Variants in TNRC6B observed in about 807,000 individuals in gnomAD.
TNRC6B encodes the protein trinucleotide repeat-containing gene 6B protein.
A neutral mutation model predicts 203.6 loss-of-function variants in TNRC6B; 52 were observed. The ratio of observed to expected loss-of-function variants is 0.26; its 90% CI spans 0.20 to 0.32. The LOEUF is 0.32. TNRC6B is among the 10% of genes least tolerant of loss of function. The pLI, the probability that TNRC6B is intolerant of heterozygous loss-of-function variation, is 1.00. For synonymous variants in TNRC6B, 838 were observed against 845.7 expected, an observed-to-expected ratio of 0.99 and a Z score of 0.16; for missense variants, 1,923 against 2,286.2, an observed-to-expected ratio of 0.84 and a Z score of 3.24.
intron 1 of TNRC6B, among the ~76,000 whole-genome samples, chr22:40,115,097 T>TC (rs200556510): frequency 0.011 from 1,603 of 152,198 alleles, 19 homozygotes; most frequent in Middle Eastern, 0.014. Context: ...ATTCTTTTTT[T>TC]CCCCTCCCTT....
At chr22:40,085,254 T>C (rs1004932247) in intron 1 of TNRC6B, among the ~76,000 whole-genome samples, 4 of 152,178 alleles carry the variant, frequency 2.6e-5, no homozygotes, top group Non-Finnish European at 5.9e-5. Flanking sequence ...TGTGCGTCTC[T>C]CTAAAAGGCA....
intron 22 of TNRC6B, chr22:40,321,480 G>A (rs1473458051): frequency 6.8e-6 from 3 of 443,440 alleles, no homozygotes; most frequent in Non-Finnish European, 1.2e-5. Flanking sequence ...GAAGTAGTGA[G>A]TAAATTCTAA....
At chr22:40,091,647 T>G (rs144943732) in intron 1 of TNRC6B, among the ~76,000 whole-genome samples, 4 of 152,326 alleles carry the variant, frequency 2.6e-5, no homozygotes, top group Admixed American at 6.5e-5. Context: ...TATTTACCAG[T>G]GTATTTATCA....
At chr22:40,198,893 G>T (rs2069374369) in intron 1 of TNRC6B, among the ~76,000 whole-genome samples, 1 of 152,026 alleles carries the variant, frequency 6.6e-6, no homozygotes, top group African/African-American at 2.4e-5. Flanking sequence ...TATTCCAATA[G>T]CAGTGAGTGT....
intron 12 of TNRC6B, among the ~76,000 whole-genome samples, chr22:40,291,211 C>T (rs901366331): frequency 6.6e-6 from 1 of 151,998 alleles, no homozygotes; most frequent in Non-Finnish European, 1.5e-5. Flanking sequence ...TATGGCAAAA[C>T]CTGTCTCTAA....
chr22:40,203,024 T>G (rs961881907), intron 1 of TNRC6B, among the ~76,000 whole-genome samples: 1 of 152,154 alleles, frequency 6.6e-6, no homozygotes, highest in Non-Finnish European at 1.5e-5. Context: ...AGTTCTGTGT[T>G]GAATGGGCTT....
chr22:40,075,156 A>ATATATT, intron 1 of TNRC6B, among the ~76,000 whole-genome samples: 3 of 35,552 alleles, frequency 8.4e-5, no homozygotes, highest in Admixed American at 4.9e-4. Context: ...ATATATATAT[A>ATATATT]TTTTTTTTTT....
At chr22:40,137,034 C>A (rs1284307601) in intron 3 of TNRC6B, among the ~76,000 whole-genome samples, 7 of 151,926 alleles carry the variant, frequency 4.6e-5, no homozygotes, top group Non-Finnish European at 8.8e-5. Context: ...ACTGCAAGAT[C>A]TGTTCTTAAT....
At chr22:40,120,736 G>A (rs1487912802) in intron 2 of TNRC6B, among the ~76,000 whole-genome samples, 1 of 152,162 alleles carries the variant, frequency 6.6e-6, no homozygotes, top group East Asian at 1.9e-4. Flanking sequence ...AAGGAGTAAG[G>A]CAGACAGGTG....
chr22:40,163,005 A>C lies in TNRC6B; in HGVS notation c.113+6823A>C, dbSNP rs535656728. ...TGTAATTTGCATTGACATTACTTTA[A>C]AAAAATTCTCTAACAAAGTCTTTTT... On this transcript the variant is annotated intron_variant, in intron 4 of 23. Transcript: ENST00000301923. Among the ~76,000 whole-genome samples, 4 of 152,284 alleles carry C rather than the reference A, an allele frequency of 2.6e-5. No homozygotes were observed. The East Asian group carries it at 7.7e-4, about 29-fold the overall frequency.
At chr22:40,118,083 T>C (rs2068407503) in intron 2 of TNRC6B, among the ~76,000 whole-genome samples, 2 of 151,820 alleles carry the variant, frequency 1.3e-5, no homozygotes, top group African/African-American at 4.8e-5. Context: ...ATTGCTAATA[T>C]GAGCTAATAT....
chr22:40,182,266 A>G (rs895322494), intron 1 of TNRC6B, among the ~76,000 whole-genome samples: 2 of 151,918 alleles, frequency 1.3e-5, no homozygotes, highest in Non-Finnish European at 1.5e-5. Context: ...AAAAGAAAAG[A>G]AAAAAAAGCC....
rs1433634231 is a variant in TNRC6B, at chr22:40,202,669, T to C, written c.5+24529T>C. Among the ~76,000 whole-genome samples the C allele has an allele frequency of 2.0e-5, 3 of 152,110 alleles. 1 individual carries two copies. Among genetic ancestry groups the C allele is most frequent in the Admixed American group, 1.3e-4 (2 of 15,272 alleles). On this transcript the variant is annotated intron_variant, in intron 1 of 22. Coordinates refer to ENST00000454349, the MANE Select transcript of TNRC6B (RefSeq NM_001162501.2). The stretch of plus-strand genomic sequence containing the variant: ...TCATAGCTTCACGAAGACCAAAATA[T>C]TTCCTCTGTGTCCCTGGCCACAGGG...
chr22:40,249,163 G>T (rs1427567898), intron 2 of TNRC6B, among the ~76,000 whole-genome samples: 1 of 152,058 alleles, frequency 6.6e-6, no homozygotes, highest in Admixed American at 6.6e-5. Flanking sequence ...CCACCTCTTT[G>T]TGTCCATCTT....
At chr22:40,157,821 A>G (rs549623661) in intron 4 of TNRC6B, among the ~76,000 whole-genome samples, 2 of 152,294 alleles carry the variant, frequency 1.3e-5, no homozygotes, top group South Asian at 2.1e-4. Context: ...CTTTGCTTAA[A>G]TATGTTTTAC....
In TNRC6B at chr22:40,256,655, G is replaced by A. The variant is rs550224336; in HGVS notation, c.116-5177G>A. On this transcript the variant is annotated intron_variant, in intron 3 of 22. Transcript: ENST00000454349. ...ATGGTGCTTTGGCCCCACAAGTGCAGAGTTGAGTTGTTGTGATGAAGACCA... is the reference window on the plus strand; with the variant it reads ...ATGGTGCTTTGGCCCCACAAGTGCAAAGTTGAGTTGTTGTGATGAAGACCA... Among the ~76,000 whole-genome samples the A allele has an allele frequency of 3.9e-5, 6 of 152,296 alleles. No homozygotes were observed. In the East Asian group the frequency reaches 1.2e-3, roughly 29 times the overall value.
At position 40,266,765 on chromosome 22, in the gene TNRC6B, A is replaced by G; in HGVS notation, c.2535A>G (p.Pro845=). The G allele has an allele frequency of 1.2e-6, 2 of 1,613,332 alleles. No individual in the cohort carries two copies. The highest frequency in any genetic ancestry group is 2.2e-5 in the South Asian group (2 of 90,998). The change falls in exon 5 of 23, where the codon CCA becomes CCG. Residue 845 remains proline, a synonymous_variant. Coordinates refer to ENST00000454349, the MANE Select transcript of TNRC6B (RefSeq NM_001162501.2). Reference sequence around the variant, plus strand: ...CTGGTTCGTGGGGAGGCCCACCCCCACCACCTCCAGGCAACGTTCGACCTT... The same window carrying G: ...CTGGTTCGTGGGGAGGCCCACCCCCGCCACCTCCAGGCAACGTTCGACCTT... ...EASGSWGGPP[P]PPPGNVRPSN... is the part of the protein sequence containing the mutation.
At chr22:40,240,445 G>A (rs2070013032) in intron 1 of TNRC6B, among the ~76,000 whole-genome samples, 2 of 152,156 alleles carry the variant, frequency 1.3e-5, no homozygotes, top group Non-Finnish European at 2.9e-5. Context: ...CAGCACACTG[G>A]GGTAAGTAGA....
intron 3 of TNRC6B, among the ~76,000 whole-genome samples, chr22:40,254,337 G>A (rs930364757): frequency 2.6e-5 from 4 of 152,128 alleles, no homozygotes; most frequent in African/African-American, 4.8e-5. Flanking sequence ...GAGGAAGTTG[G>A]ACATAGATAT....
Sources: gnomAD v4.1 joint callset for allele counts (sites outside exome capture counted in the v4.1 genomes callset) on GRCh38, gnomAD v4.1.1 for gene constraint, MANE v1.5 for transcripts, NCBI Gene and HGNC (gene_info 2026-07-23, HGNC 2026-07-21) for gene names.